The following NFIB variants were observed in gnomAD, a reference collection of about 807,000 sequenced individuals.
NFIB encodes nuclear factor 1 B-type.
In NFIB, 11 loss-of-function variants were observed where a neutral mutation model predicts 61.5. That is an observed-to-expected ratio of 0.18 (90% CI 0.11 to 0.30). The LOEUF (loss-of-function observed/expected upper bound fraction) is 0.30. Among genes scored for constraint, NFIB ranks in the 10% least tolerant of loss-of-function variants. The pLI is 1.00. For synonymous variants in NFIB, 260 were observed against 216.5 expected (o/e 1.20, Z -1.76); for missense variants, 471 against 608.9 (o/e 0.77, Z 2.38).
At chr9:14,158,155 TCCTTTATCATGA>T (rs1334800924) in intron 3 of NFIB, among the ~76,000 whole-genome samples, 1 of 150,464 alleles carries the variant, frequency 6.6e-6, no homozygotes, top group East Asian at 1.9e-4. Context: ...CAAAACAACC[TCCTTTATCATGA>T]CTACAGCTCA....
At chr9:14,207,289 A>T (rs1352008579) in intron 2 of NFIB, among the ~76,000 whole-genome samples, 1 of 152,234 alleles carries the variant, frequency 6.6e-6, no homozygotes, top group Non-Finnish European at 1.5e-5. Flanking sequence ...ACAGAAAAAG[A>T]GATACAGTCC....
intron 2 of NFIB, among the ~76,000 whole-genome samples, chr9:14,205,380 A>T (rs1361190403): frequency 6.6e-6 from 1 of 150,732 alleles, no homozygotes; most frequent in African/African-American, 2.4e-5. Flanking sequence ...TCATAGTAGG[A>T]ATATAAAAAA....
At chr9:14,088,436 A>T in intron 10 of NFIB, 110 bp from the exon 11 acceptor site, 1 of 1,173,202 alleles carries the variant, frequency 8.5e-7, no homozygotes. Flanking sequence ...AATTATTGCT[A>T]TCCCTATTTT....
intron 4 of NFIB, among the ~76,000 whole-genome samples, chr9:14,155,143 C>T (rs1251105044): frequency 6.6e-6 from 1 of 152,056 alleles, no homozygotes; most frequent in Admixed American, 6.6e-5. Context: ...ATAATTAGTA[C>T]ATATAGATCT....
chr9:14,288,167 T>C (rs2058841135), intron 2 of NFIB, among the ~76,000 whole-genome samples: 1 of 152,072 alleles, frequency 6.6e-6, no homozygotes, highest in Non-Finnish European at 1.5e-5. Context: ...CAAATATATA[T>C]TGACAATTTT....
intron 10 of NFIB, among the ~76,000 whole-genome samples, chr9:14,095,475 G>A (rs994468216): frequency 6.6e-6 from 1 of 151,980 alleles, no homozygotes; most frequent in African/African-American, 2.4e-5. Flanking sequence ...CTTTCTGTCT[G>A]TATTCCTCTC....
intron 5 of NFIB, among the ~76,000 whole-genome samples, chr9:14,147,636 C>CG (rs368454013): frequency 9.2e-6 from 1 of 108,674 alleles, no homozygotes; most frequent in East Asian, 2.8e-4. Flanking sequence ...TAAAATGATA[C>CG]TTTTTTTTTT....
At chr9:14,211,672 A>AT (rs747876882) in intron 2 of NFIB, among the ~76,000 whole-genome samples, 5 of 152,224 alleles carry the variant, frequency 3.3e-5, no homozygotes, top group Middle Eastern at 3.2e-3. Flanking sequence ...TTACCCGTTT[A>AT]TATCAGATTC....
chr9:14,506,393 G>C, the NFIB span, among the ~76,000 whole-genome samples: 1 of 152,124 alleles, frequency 6.6e-6, no homozygotes, highest in Non-Finnish European at 1.5e-5. Context: ...AACTTTTAGA[G>C]AGGAACCCCT....
the NFIB span, among the ~76,000 whole-genome samples, chr9:14,452,881 C>A: frequency 1.3e-5 from 2 of 152,174 alleles, no homozygotes; most frequent in African/African-American, 4.8e-5. Flanking sequence ...TTAGTTTGGA[C>A]CACACATGTG....
chr9:14,504,050 C>T, the NFIB span, among the ~76,000 whole-genome samples: 1 of 152,166 alleles, frequency 6.6e-6, no homozygotes, highest in African/African-American at 2.4e-5. Flanking sequence ...TGCCAATTAT[C>T]CCAACACCAT....
At position 14,150,218 on chromosome 9, in the gene NFIB, G is replaced by C. The variant is rs143257194; in HGVS notation, c.733C>G (p.Pro245Ala). The C allele has an allele frequency of 1.5e-5, 25 of 1,613,338 alleles. No individual in the cohort carries two copies. Among genetic ancestry groups the C allele is most frequent in the Non-Finnish European group, 2.1e-5 (25 of 1,179,586 alleles). ...ATGTCATGATAGTATGGTTGGCTTG[G>C]GATTTCTCCAATTGGGAAGTTGACT... ...TGVNFPIGEI[P>A]SQPYYHDMNS... The change falls in exon 5 of 11, where the codon CCA becomes GCA. Residue 245 changes from proline (P) to alanine (A), a missense_variant. By Grantham distance (27) the Pro-to-Ala change is conservative. Coordinates refer to ENST00000380953, the MANE Select transcript of NFIB (RefSeq NM_001190737.2).
chr9:14,154,917 T>C (rs186427412), intron 4 of NFIB, among the ~76,000 whole-genome samples: 247 of 152,306 alleles, frequency 1.6e-3, no homozygotes, highest in Non-Finnish European at 2.6e-3. Flanking sequence ...TTGTTCTTTC[T>C]GGATCATCAT....
chr9:14,281,150 A>G (rs1410135126), intron 2 of NFIB, among the ~76,000 whole-genome samples: 1 of 152,322 alleles, frequency 6.6e-6, no homozygotes, highest in African/African-American at 2.4e-5. Context: ...ATGAACATTC[A>G]AAAGATTAAT....
chr9:14,234,247 A>G (rs2053508322), intron 2 of NFIB, among the ~76,000 whole-genome samples: 1 of 152,224 alleles, frequency 6.6e-6, no homozygotes, highest in South Asian at 2.1e-4. Context: ...TCTGCAACAG[A>G]AGTACATGCA....
At chr9:14,321,966 AAG>A in intron 1 of NFIB, 3 of 1,231,564 alleles carry the variant, frequency 2.4e-6, no homozygotes, top group Non-Finnish European at 3.0e-6. Flanking sequence ...CATTAAATAA[AAG>A]AGATCTTGAG....
At position 14,191,755 on chromosome 9, in the gene NFIB, C is replaced by A. The variant is rs548188563; in HGVS notation, c.563-11975G>T. 5.3e-5 allele frequency among the ~76,000 whole-genome samples: 8 copies of A among 152,200 alleles called. No homozygotes were observed. The South Asian group carries it at 1.7e-3, about 32-fold the overall frequency. On this transcript the variant is annotated intron_variant, in intron 2 of 10. Transcript: ENST00000380953. Reference sequence around the variant, plus strand: ...GATGTGACAAAATTTTAACACAGACCAACTTCAAGCTTTTTACTGCAGACT... The same window carrying A: ...GATGTGACAAAATTTTAACACAGACAAACTTCAAGCTTTTTACTGCAGACT...
chr9:14,218,427 G>A (rs943052556), intron 2 of NFIB, among the ~76,000 whole-genome samples: 1 of 152,030 alleles, frequency 6.6e-6, no homozygotes, highest in African/African-American at 2.4e-5. Context: ...TTCTGTCTAA[G>A]CCAACACAGC....
At chr9:14,415,244 G>C in the NFIB span, among the ~76,000 whole-genome samples, 1 of 152,178 alleles carries the variant, frequency 6.6e-6, no homozygotes, top group Admixed American at 6.5e-5. Context: ...AGGCCACCAT[G>C]GTTGCTTGCC....
Sources: gnomAD v4.1 joint callset for allele counts (sites outside exome capture counted in the v4.1 genomes callset) on GRCh38, gnomAD v4.1.1 for gene constraint, MANE v1.5 for transcripts, NCBI Gene and HGNC (gene_info 2026-07-23, HGNC 2026-07-21) for gene names.